SCAMP5: variants seen among roughly 807,000 people sequenced by gnomAD.
The protein encoded by SCAMP5 is secretory carrier-associated membrane protein 5.
Under a neutral mutation model 28.3 loss-of-function variants are expected in SCAMP5, and 7 were observed. That is an observed-to-expected ratio of 0.25 (90% CI 0.14 to 0.46). The LOEUF (loss-of-function observed/expected upper bound fraction) is 0.46, where lower values mean the gene tolerates loss of function less well. Among genes scored for constraint, SCAMP5 ranks in the 20% least tolerant of loss-of-function variants. The probability of loss-of-function intolerance (pLI) is 0.99; values close to 1 mark genes in which losing one functional copy is unlikely to be tolerated. For missense variants in SCAMP5, 192 were observed against 312.5 expected, an observed-to-expected ratio of 0.61 and a Z score of 2.91; for synonymous variants, 117 against 116.4, an observed-to-expected ratio of 1.00 and a Z score of -0.03.
chr15:74,999,039 C>G (rs117960463), intron 1 of SCAMP5, among the ~76,000 whole-genome samples: 34 of 152,202 alleles, frequency 2.2e-4, no homozygotes, highest in African/African-American at 7.2e-4. Flanking sequence ...ACCACAGTCT[C>G]CCACTCCATG....
chr15:75,010,523 T>C, intron 1 of SCAMP5, among the ~76,000 whole-genome samples: 1 of 152,342 alleles, frequency 6.6e-6, no homozygotes, highest in East Asian at 1.9e-4. Context: ...CCATAGTGGC[T>C]TTCTTTCCCT....
Position 74,996,730 on chromosome 15 carries a change from C to T in SCAMP5, c.-49+1057C>T, listed in dbSNP as rs995511294. On this transcript the variant is annotated intron_variant, in intron 1 of 6. Coordinates refer to ENST00000425597, the MANE Select transcript of SCAMP5 (RefSeq NM_138967.4). The surrounding 1 kb of genome is among the most constrained non-coding windows in gnomAD (Gnocchi z 4.1). The stretch of plus-strand genomic sequence containing the variant: ...CCTGTCCCCTACATGTTCTGCCTCA[C>T]GGAGCAGGGCTCTGAAAGAGGGAGA... Among the ~76,000 whole-genome samples the T allele has an allele frequency of 1.3e-5, 2 of 152,280 alleles. No homozygotes were observed. Among genetic ancestry groups the T allele is most frequent in the South Asian group, 4.1e-4 (2 of 4,828 alleles).
intron 1 of SCAMP5, among the ~76,000 whole-genome samples, chr15:75,000,257 A>G (rs905953556): frequency 3.3e-5 from 5 of 152,194 alleles, no homozygotes; most frequent in African/African-American, 9.6e-5. Flanking sequence ...TGCAGTGACT[A>G]TTCACAGGTG....
chr15:75,011,313 G>A (rs185958387), intron 1 of SCAMP5, among the ~76,000 whole-genome samples: 2 of 152,182 alleles, frequency 1.3e-5, no homozygotes, highest in African/African-American at 2.4e-5. Flanking sequence ...CTTGCCTTTT[G>A]TATGATTTAC....
At position 75,021,246 on chromosome 15, in the gene SCAMP5, G is replaced by A. The variant is rs2141463503; in HGVS notation, c.*2263G>A. 6.6e-6 allele frequency: 1 copy of A among 152,466 alleles called. No individual in the cohort carries two copies. The highest frequency in any genetic ancestry group is 1.9e-4 in the East Asian group (1 of 5,176). The allele number at this position is 152,466 out of a possible 1,614,324, so 9.4% of individuals were successfully genotyped here. A position where few individuals can be genotyped will look rare whatever the true frequency, so the allele number is the denominator to read the frequency against. ...GCAACTATGCACTTTCCCGGGGAGAGAACCAGTATGAGAAGTGGGGGCAGG... is the reference window on the plus strand; with the variant it reads ...GCAACTATGCACTTTCCCGGGGAGAAAACCAGTATGAGAAGTGGGGGCAGG... On this transcript the variant is annotated 3_prime_UTR_variant, in exon 7 of 7. Coordinates refer to ENST00000425597, the MANE Select transcript of SCAMP5 (RefSeq NM_138967.4).
intron 2 of SCAMP5, 141 bp downstream of exon 2, chr15:75,011,987 C>T: frequency 3.2e-6 from 2 of 616,654 alleles, no homozygotes; most frequent in Non-Finnish European, 2.9e-6. Flanking sequence ...TCCCCACTCT[C>T]TCCACTGAGG....
chr15:75,018,469 G>C lies in SCAMP5; in HGVS notation c.447G>C (p.Val149=). 2 of 1,613,854 alleles carry C rather than the reference G, an allele frequency of 1.2e-6. No homozygotes were observed. The highest frequency in any genetic ancestry group is 1.7e-6 in the Non-Finnish European group (2 of 1,179,788). Residue 149 remains valine, a synonymous_variant, in exon 6 of 7, where the codon GTG becomes GTC. Transcript: ENST00000425597. The surrounding 1 kb of genome is among the most constrained non-coding windows in gnomAD (Gnocchi z 5.6). ...TCGGAACGAACATTGGCTCGGCGGT[G>C]GTGATGCTAATTCCCACTGTCATGT... ...SFFGTNIGSA[V]VMLIPTVMFT...
At chr15:75,015,567 G>A (rs1255844266) in intron 3 of SCAMP5, among the ~76,000 whole-genome samples, 1 of 152,114 alleles carries the variant, frequency 6.6e-6, no homozygotes, top group Admixed American at 6.5e-5. Context: ...AGAGGGATGG[G>A]AGATGATGAG....
At chr15:75,016,379 A>G (rs2065859723) in intron 3 of SCAMP5, among the ~76,000 whole-genome samples, 1 of 152,012 alleles carries the variant, frequency 6.6e-6, no homozygotes, top group East Asian at 1.9e-4. Context: ...GTGTCTCTGT[A>G]TGTATTTGTT....
At chr15:75,017,668 T>G in intron 4 of SCAMP5, 1 of 611,040 alleles carries the variant, frequency 1.6e-6, no homozygotes, top group Non-Finnish European at 2.9e-6. Context: ...TCCCTCCCTG[T>G]GTAATGTTGC....
intron 1 of SCAMP5, among the ~76,000 whole-genome samples, chr15:75,006,774 C>CAAAAA (rs111681986): frequency 8.6e-6 from 1 of 115,962 alleles, no homozygotes; most frequent in Non-Finnish European, 1.9e-5. Flanking sequence ...GACTCCATCT[C>CAAAAA]AAAAAAAAAA....
At chr15:75,014,542 A>G (rs1052334783) in intron 3 of SCAMP5, among the ~76,000 whole-genome samples, 4 of 152,236 alleles carry the variant, frequency 2.6e-5, no homozygotes, top group African/African-American at 9.6e-5. Flanking sequence ...GTGAATTTAC[A>G]GTCTTCCTCA....
intron 3 of SCAMP5, among the ~76,000 whole-genome samples, chr15:75,015,841 G>A (rs765470830): frequency 3.4e-5 from 5 of 147,958 alleles, no homozygotes; most frequent in Non-Finnish European, 7.4e-5. Context: ...CAGGAGAATC[G>A]CTTGAACCTG....
intron 1 of SCAMP5, among the ~76,000 whole-genome samples, chr15:75,005,289 G>A (rs1292600017): frequency 6.6e-6 from 1 of 151,448 alleles, no homozygotes; most frequent in East Asian, 1.9e-4. Context: ...ATGGAGAAAC[G>A]CCATCTCTAC....
chr15:75,019,028 GGGGGCTCAAGCCACATC>G lies in SCAMP5; in HGVS notation c.*47_*63del, dbSNP rs1388973493. Reference sequence around the variant, plus strand: ...TGGCAGAGCTGGGGCCATTGGGACAGGGGGCTCAAGCCACATCGTCATTTGTGGTTACCAAGCAGGGT... The same window carrying G: ...TGGCAGAGCTGGGGCCATTGGGACAGGTCATTTGTGGTTACCAAGCAGGGT... On this transcript the variant is annotated 3_prime_UTR_variant, in exon 7 of 7. Coordinates refer to ENST00000425597, the MANE Select transcript of SCAMP5 (RefSeq NM_138967.4). The G allele has an allele frequency of 3.0e-6, 4 of 1,347,622 alleles. No individual in the cohort carries two copies. Among genetic ancestry groups the G allele is most frequent in the African/African-American group, 3.0e-5 (2 of 66,588 alleles). The allele number at this position is 1,347,622 out of a possible 1,614,324, so 83.5% of individuals were successfully genotyped here. A position where few individuals can be genotyped will look rare whatever the true frequency, so the allele number is the denominator to read the frequency against.
chr15:75,008,650 C>T (rs1485553980), intron 1 of SCAMP5, among the ~76,000 whole-genome samples: 2 of 152,086 alleles, frequency 1.3e-5, no homozygotes, highest in African/African-American at 4.8e-5. Context: ...CAGGCTTATG[C>T]CATCATGCCT....
At chr15:75,004,001 T>C (rs1200085925) in intron 1 of SCAMP5, among the ~76,000 whole-genome samples, 1 of 150,702 alleles carries the variant, frequency 6.6e-6, no homozygotes, top group Non-Finnish European at 1.5e-5. Context: ...GCTTCCGGGG[T>C]TCAAGCGATT....
chr15:75,012,724 C>T lies in SCAMP5; in HGVS notation c.55C>T (p.Pro19Ser), dbSNP rs899905973. The T allele has an allele frequency of 3.7e-6, 6 of 1,613,746 alleles. No homozygotes were observed. Among genetic ancestry groups the T allele is most frequent in the Non-Finnish European group, 5.1e-6 (6 of 1,179,738 alleles). The change falls in exon 3 of 7, where the codon CCA becomes TCA. Residue 19 changes from proline to serine, a missense_variant. Transcript: ENST00000425597. ...PPLPKFIPLK[P>S]CFYQDFEADI... is the part of the protein sequence containing the mutation. ...ATTGCCCAAATTCATCCCGCTGAAG[C>T]CATGTTTCTACCAAGACTTCGAGGC... is the stretch of plus-strand genomic sequence containing the variant.
chr15:75,011,326 C>A (rs889308471), intron 1 of SCAMP5, among the ~76,000 whole-genome samples: 5 of 152,144 alleles, frequency 3.3e-5, no homozygotes, highest in African/African-American at 1.2e-4. Context: ...TGATTTACTG[C>A]AGAGGTGATT....
Sources: gnomAD v4.1 joint callset for allele counts (sites outside exome capture counted in the v4.1 genomes callset) on GRCh38, gnomAD v4.1.1 for gene constraint, Gnocchi (gnomAD v3.1) non-coding constraint, MANE v1.5 for transcripts, NCBI Gene and HGNC (gene_info 2026-07-23, HGNC 2026-07-21) for gene names.